The following LMBR1 variants were observed in gnomAD, a reference collection of about 807,000 sequenced individuals.
LMBR1 encodes limb region 1 protein homolog.
A neutral mutation model predicts 73.9 loss-of-function variants in LMBR1; 52 were observed. That is an observed-to-expected ratio of 0.70 (90% CI 0.56 to 0.89). LMBR1 has a LOEUF of 0.89. LMBR1 is among the 40% of genes least tolerant of loss of function. The probability of loss-of-function intolerance (pLI) is 0.00; values close to 1 mark genes in which losing one functional copy is unlikely to be tolerated. For missense variants in LMBR1, 539 were observed against 579.8 expected (o/e 0.93, Z 0.72); for synonymous variants, 215 against 209.4 (o/e 1.03, Z -0.23).
chr7:156,769,847 G>C (rs1299402073), intron 5 of LMBR1, among the ~76,000 whole-genome samples: 4 of 152,162 alleles, frequency 2.6e-5, no homozygotes, highest in African/African-American at 9.7e-5. Context: ...GTGGCCCAGA[G>C]GGAGCCATCA....
chr7:156,802,844 C>A (rs954216473), intron 4 of LMBR1, among the ~76,000 whole-genome samples: 2 of 152,074 alleles, frequency 1.3e-5, no homozygotes, highest in East Asian at 3.9e-4. Context: ...AGAAATAATG[C>A]CGCATGTCTA....
chr7:156,866,433 T>C (rs565020105), intron 1 of LMBR1, among the ~76,000 whole-genome samples: 12 of 151,532 alleles, frequency 7.9e-5, no homozygotes, highest in East Asian at 3.9e-4. Flanking sequence ...TAATTCATTG[T>C]TGGAGACAGC....
In LMBR1 at chr7:156,716,907, CAGG is replaced by C. The variant is rs527947399; in HGVS notation, c.1225+7202_1225+7204del. Among the ~76,000 whole-genome samples, 21 of 152,160 alleles carry C rather than the reference CAGG, an allele frequency of 1.4e-4. No individual in the cohort carries two copies. In the East Asian group the frequency reaches 4.1e-3, roughly 29 times the overall value. On this transcript the variant is annotated intron_variant, in intron 15 of 16. Coordinates refer to ENST00000353442, the MANE Select transcript of LMBR1 (RefSeq NM_022458.4). ...GCCTAGAGGGAGGATCACTTGAGCC[CAGG>C]AGTTCAAGGAGTTCAATTTTCCAAG...
intron 1 of LMBR1, among the ~76,000 whole-genome samples, chr7:156,863,010 T>C (rs1797945731): frequency 6.6e-6 from 1 of 152,170 alleles, no homozygotes; most frequent in Admixed American, 6.5e-5. Context: ...ATAATAAATC[T>C]TTCTGTATAT....
At chr7:156,867,279 A>G (rs1178772000) in intron 1 of LMBR1, among the ~76,000 whole-genome samples, 1 of 152,246 alleles carries the variant, frequency 6.6e-6, no homozygotes, top group Non-Finnish European at 1.5e-5. Flanking sequence ...GATGATAATG[A>G]TGTGAAGAAA....
intron 5 of LMBR1, among the ~76,000 whole-genome samples, chr7:156,777,683 T>C (rs1585726382): frequency 6.6e-6 from 1 of 152,204 alleles, no homozygotes; most frequent in African/African-American, 2.4e-5. Flanking sequence ...AGTCCAAATC[T>C]TACTGCTGTG....
At chr7:156,802,849 T>G (rs1831257820) in intron 4 of LMBR1, among the ~76,000 whole-genome samples, 1 of 152,064 alleles carries the variant, frequency 6.6e-6, no homozygotes, top group African/African-American at 2.4e-5. Flanking sequence ...TAATGCCGCA[T>G]GTCTACAACT....
chr7:156,688,415 A>C (rs925540528), intron 15 of LMBR1, among the ~76,000 whole-genome samples: 4 of 152,120 alleles, frequency 2.6e-5, no homozygotes, highest in Non-Finnish European at 5.9e-5. Context: ...GTCACTAGCA[A>C]GTGATGAGTA....
chr7:156,723,978 TA>T lies in LMBR1; in HGVS notation c.1225+133del, dbSNP rs1166252168. On this transcript the variant is annotated intron_variant, in intron 15 of 16. Coordinates refer to ENST00000353442, the MANE Select transcript of LMBR1 (RefSeq NM_022458.4). The stretch of plus-strand genomic sequence containing the variant: ...TGCCCCTATACATAAAGTATAGAAG[TA>T]AAAGTGTAAAATAATGTAGGAAGAA... 6.3e-5 allele frequency: 40 copies of T among 631,112 alleles called. 1 individual carries two copies. In the East Asian group the frequency reaches 1.1e-3, roughly 17 times the overall value. The allele number at this position is 631,112 out of a possible 1,614,324, so 39.1% of individuals were successfully genotyped here.
chr7:156,779,909 A>G (rs559873751), intron 5 of LMBR1, among the ~76,000 whole-genome samples: 1 of 152,364 alleles, frequency 6.6e-6, no homozygotes, highest in Admixed American at 6.5e-5. Context: ...TCAAGATTGC[A>G]CCAAACATAT....
At chr7:156,849,471 T>C (rs1372254527) in intron 1 of LMBR1, among the ~76,000 whole-genome samples, 1 of 152,142 alleles carries the variant, frequency 6.6e-6, no homozygotes, top group African/African-American at 2.4e-5. Context: ...AACCTGTACA[T>C]GTGCCCCTGA....
At chr7:156,745,935 G>A (rs1364395752) in intron 9 of LMBR1, among the ~76,000 whole-genome samples, 1 of 152,216 alleles carries the variant, frequency 6.6e-6, no homozygotes, top group Non-Finnish European at 1.5e-5. Context: ...GAGGGATAAA[G>A]CTAGTACAGA....
At chr7:156,818,671 T>C (rs985597044) in intron 4 of LMBR1, among the ~76,000 whole-genome samples, 1 of 152,154 alleles carries the variant, frequency 6.6e-6, no homozygotes, top group Non-Finnish European at 1.5e-5. Flanking sequence ...CCACCACCTT[T>C]ACCTAACTCC....
chr7:156,892,752 A>AG (rs1803343997), intron 1 of LMBR1, among the ~76,000 whole-genome samples, 176 bp downstream of exon 1: 3 of 84,924 alleles, frequency 3.5e-5, no homozygotes, highest in Admixed American at 2.6e-4. Flanking sequence ...AGAGGTGGGG[A>AG]GGGAAGGGGA....
intron 1 of LMBR1, among the ~76,000 whole-genome samples, chr7:156,873,603 A>T (rs902644164): frequency 6.6e-6 from 1 of 152,154 alleles, no homozygotes; most frequent in Non-Finnish European, 1.5e-5. Context: ...CCTGAGCTAG[A>T]TACAAAGGTT....
intron 15 of LMBR1, among the ~76,000 whole-genome samples, chr7:156,702,298 C>T (rs1180057393): frequency 6.6e-6 from 1 of 152,158 alleles, no homozygotes; most frequent in East Asian, 1.9e-4. Flanking sequence ...TGTTTCTTGA[C>T]TTTTTAATAA....
At chr7:156,838,950 T>C (rs1243753285) in intron 1 of LMBR1, among the ~76,000 whole-genome samples, 1 of 152,172 alleles carries the variant, frequency 6.6e-6, no homozygotes, top group Non-Finnish European at 1.5e-5. Context: ...GGTTTTGACT[T>C]ATATGTCCCT....
At chr7:156,738,571 C>G (rs891739090) in intron 9 of LMBR1, among the ~76,000 whole-genome samples, 1 of 152,226 alleles carries the variant, frequency 6.6e-6, no homozygotes, top group African/African-American at 2.4e-5. Context: ...TGACTCCTTC[C>G]TTCTGCTCGA....
At chr7:156,745,151 CTA>C (rs1554497120) in intron 9 of LMBR1, among the ~76,000 whole-genome samples, 1 of 152,178 alleles carries the variant, frequency 6.6e-6, no homozygotes, top group Non-Finnish European at 1.5e-5. Context: ...ACCACAAAGA[CTA>C]TTTCTTTTTT....
Sources: gnomAD v4.1 joint callset for allele counts (sites outside exome capture counted in the v4.1 genomes callset) on GRCh38, gnomAD v4.1.1 for gene constraint, MANE v1.5 for transcripts, NCBI Gene and HGNC (gene_info 2026-07-23, HGNC 2026-07-21) for gene names.